OR2A5: variants seen among roughly 807,000 people sequenced by gnomAD.
OR2A5 encodes the protein olfactory receptor family 2 subfamily A member 5.
OR2A5 carries 2 observed loss-of-function variants against 1.9 expected under a neutral mutation model. The observed-to-expected ratio is 1.04, with a 90% CI of 0.43 to 3.28. The LOEUF is 3.28. OR2A5 is among the 30% of genes most tolerant of loss of function. The pLI, the probability that OR2A5 is intolerant of heterozygous loss-of-function variation, is 0.08. For missense variants in OR2A5, 391 were observed against 375.9 expected (o/e 1.04, Z -0.33); for synonymous variants, 160 against 154.5 (o/e 1.04, Z -0.26).
rs766533534 is a variant in OR2A5 at position 144,051,023 on chromosome 7, G to A, written c.622G>A (p.Val208Met). The A allele has an allele frequency of 6.2e-7, 1 of 1,614,198 alleles. No homozygotes were observed. The highest frequency in any genetic ancestry group is 8.5e-7 in the Non-Finnish European group (1 of 1,180,036). ...VIFAASVFIL[V>M]GPLCLVLVSY... ...CTTTGCTGCTTCAGTGTTCATCCTGGTGGGGCCGCTCTGCCTGGTGCTGGT... is the reference window on the plus strand; with the variant it reads ...CTTTGCTGCTTCAGTGTTCATCCTGATGGGGCCGCTCTGCCTGGTGCTGGT... Residue 208 changes from valine to methionine, a missense_variant, in exon 2 of 2, where the codon GTG (valine) becomes ATG (methionine). By Grantham distance (21) the Val-to-Met change is conservative. Transcript: ENST00000641693.
intron 1 of OR2A5, 125 bp downstream of exon 1, chr7:144,049,258 C>G (rs1376120576): frequency 6.6e-6 from 1 of 152,220 alleles, no homozygotes; most frequent in Non-Finnish European, 1.5e-5. Context: ...AGACAGTTTC[C>G]TGGGCTAAAG....
At position 144,056,181 on chromosome 7, in the gene OR2A5, A is replaced by G. The variant is rs1000954895; in HGVS notation, c.*4844A>G. The G allele has an allele frequency of 5.3e-5, 8 of 152,350 alleles. No individual in the cohort carries two copies. In the South Asian group the frequency reaches 1.0e-3, roughly 20 times the overall value. 9.4% of individuals were successfully genotyped at this position (152,350 alleles called of 1,614,324 possible). A position where few individuals can be genotyped will look rare whatever the true frequency, so the allele number is the denominator to read the frequency against. On this transcript the variant is annotated 3_prime_UTR_variant, in exon 2 of 2. Coordinates refer to ENST00000641693, the MANE Select transcript of OR2A5 (RefSeq NM_012365.2). ...ACTGAGGCTTAGCACCTTCCTTGAA[A>G]ATAAGGTATGGAGGAGGGTGGGAGG...
Position 144,053,483 on chromosome 7 carries a change from C to G in OR2A5, c.*2146C>G, listed in dbSNP as rs2050918981. ...GCTTCACAAATGTTACCCCGTTTAT[C>G]TTGCATAAACATCACAATGGAGTCG... On this transcript the variant is annotated 3_prime_UTR_variant, in exon 2 of 2. Coordinates refer to ENST00000641693, the MANE Select transcript of OR2A5 (RefSeq NM_012365.2). 6.6e-6 allele frequency: 1 copy of G among 152,186 alleles called. No homozygotes were observed. Among genetic ancestry groups the G allele is most frequent in the Non-Finnish European group, 1.5e-5 (1 of 68,022 alleles). The allele number at this position is 152,186 out of a possible 1,614,324, so 9.4% of individuals were successfully genotyped here.
At position 144,053,849 on chromosome 7, in the gene OR2A5, T is replaced by A. The variant is rs187272627; in HGVS notation, c.*2512T>A. ...AGTAGAAACACTCACATTAGCAGCATCATCATTTTCCAATAGTAACTCCCT... is the reference window on the plus strand; with the variant it reads ...AGTAGAAACACTCACATTAGCAGCAACATCATTTTCCAATAGTAACTCCCT... On this transcript the variant is annotated 3_prime_UTR_variant, in exon 2 of 2. Transcript: ENST00000641693. 2 of 152,208 alleles carry A rather than the reference T, an allele frequency of 1.3e-5. No individual in the cohort carries two copies. Among genetic ancestry groups the A allele is most frequent in the Non-Finnish European group, 2.9e-5 (2 of 68,048 alleles). 9.4% of individuals were successfully genotyped at this position (152,208 alleles called of 1,614,324 possible). A position where few individuals can be genotyped will look rare whatever the true frequency, so the allele number is the denominator to read the frequency against.
Position 144,054,035 on chromosome 7 carries a change from T to A in OR2A5, c.*2698T>A, listed in dbSNP as rs568695319. On this transcript the variant is annotated 3_prime_UTR_variant, in exon 2 of 2. Coordinates refer to ENST00000641693, the MANE Select transcript of OR2A5 (RefSeq NM_012365.2). Reference sequence around the variant, plus strand: ...CCACCTGTGTTCTTTACCTTTATGATGTGATTAATGCTTTTCCAGGAAGTG... The same window carrying A: ...CCACCTGTGTTCTTTACCTTTATGAAGTGATTAATGCTTTTCCAGGAAGTG... 2.0e-5 allele frequency: 3 copies of A among 152,268 alleles called. No homozygotes were observed. In the East Asian group the frequency reaches 5.8e-4, roughly 29 times the overall value. 9.4% of individuals were successfully genotyped at this position (152,268 alleles called of 1,614,324 possible).
In OR2A5 at chr7:144,051,578, C is replaced by G; in HGVS notation, c.*241C>G. On this transcript the variant is annotated 3_prime_UTR_variant, in exon 2 of 2. Transcript: ENST00000641693. ...ATGAACTCCTACTCCCAGGTCCCAC[C>G]CCTACCCAGGATCTGCTTTCTGTTC... The G allele has an allele frequency of 2.2e-6, 1 of 453,994 alleles. No individual in the cohort carries two copies. Among genetic ancestry groups the G allele is most frequent in the African/African-American group, 2.0e-5 (1 of 51,250 alleles). The allele number at this position is 453,994 out of a possible 1,614,324, so 28.1% of individuals were successfully genotyped here. A position where few individuals can be genotyped will look rare whatever the true frequency, so the allele number is the denominator to read the frequency against.
Position 144,053,023 on chromosome 7 carries a change from C to A in OR2A5, c.*1686C>A, listed in dbSNP as rs975328204. The stretch of plus-strand genomic sequence containing the variant: ...GAAAGAGGAAACATATAGAATAGTT[C>A]ATCTCATATAAAACATAAGCAATAG... On this transcript the variant is annotated 3_prime_UTR_variant, in exon 2 of 2. Transcript: ENST00000641693. 3.9e-5 allele frequency: 6 copies of A among 151,918 alleles called. No individual in the cohort carries two copies. Among genetic ancestry groups the A allele is most frequent in the Non-Finnish European group, 7.4e-5 (5 of 67,968 alleles). The allele number at this position is 151,918 out of a possible 1,614,324, so 9.4% of individuals were successfully genotyped here.
rs2050927797 is a variant in OR2A5, at chr7:144,054,780, A to G, written c.*3443A>G. On this transcript the variant is annotated 3_prime_UTR_variant, in exon 2 of 2. Coordinates refer to ENST00000641693, the MANE Select transcript of OR2A5 (RefSeq NM_012365.2). The stretch of plus-strand genomic sequence containing the variant: ...GCATCCAGATAGGAAATATATACAA[A>G]AATAATTAGTCCATAGCTTTGTTAC... The G allele has an allele frequency of 6.6e-6, 1 of 152,228 alleles. No homozygotes were observed. The highest frequency in any genetic ancestry group is 1.5e-5 in the Non-Finnish European group (1 of 68,040). The allele number at this position is 152,228 out of a possible 1,614,324, so 9.4% of individuals were successfully genotyped here. A position where few individuals can be genotyped will look rare whatever the true frequency, so the allele number is the denominator to read the frequency against.
Position 144,057,579 on chromosome 7 carries a change from T to C in OR2A5, c.*6242T>C, listed in dbSNP as rs1360550483. ...GCAAAACAGATGCCAAAAGAGAATA[T>C]TCAAAAGGATTAGGAAAACTGTTAC... On this transcript the variant is annotated 3_prime_UTR_variant, in exon 2 of 2. Transcript: ENST00000641693. 2.6e-5 allele frequency: 4 copies of C among 152,040 alleles called. No individual in the cohort carries two copies. Among genetic ancestry groups the C allele is most frequent in the Non-Finnish European group, 5.9e-5 (4 of 68,012 alleles). 9.4% of individuals were successfully genotyped at this position (152,040 alleles called of 1,614,324 possible). A position where few individuals can be genotyped will look rare whatever the true frequency, so the allele number is the denominator to read the frequency against.
chr7:144,049,343 G>T (rs904730833), intron 1 of OR2A5, among the ~76,000 whole-genome samples: 2 of 152,216 alleles, frequency 1.3e-5, no homozygotes, highest in Non-Finnish European at 2.9e-5. Flanking sequence ...TAACATTTGT[G>T]TACTTCTATG....
Position 144,053,251 on chromosome 7 carries a change from T to TA in OR2A5, c.*1914_*1915insA, listed in dbSNP as rs2050917978. ...TCTAATTTTATATATATATATATAT[T>TA]GAATACATTACAGAAAATACCTGAG... is the stretch of plus-strand genomic sequence containing the variant. On this transcript the variant is annotated 3_prime_UTR_variant, in exon 2 of 2. Coordinates refer to ENST00000641693, the MANE Select transcript of OR2A5 (RefSeq NM_012365.2). 1.3e-5 allele frequency: 2 copies of TA among 151,672 alleles called. No individual in the cohort carries two copies. The highest frequency in any genetic ancestry group is 1.9e-4 in the East Asian group (1 of 5,186). The allele number at this position is 151,672 out of a possible 1,614,324, so 9.4% of individuals were successfully genotyped here.
At position 144,056,640 on chromosome 7, in the gene OR2A5, ATTTATG is replaced by A. The variant is rs1198718808; in HGVS notation, c.*5314_*5319del. 3 of 152,224 alleles carry A rather than the reference ATTTATG, an allele frequency of 2.0e-5. No homozygotes were observed. The highest frequency in any genetic ancestry group is 2.9e-5 in the Non-Finnish European group (2 of 68,032). 9.4% of individuals were successfully genotyped at this position (152,224 alleles called of 1,614,324 possible). ...GTTCAGGAATGAACAATTGATAAAT[ATTTATG>A]TTTATGTTTAAATGCATAAAAGATT... On this transcript the variant is annotated 3_prime_UTR_variant, in exon 2 of 2. Coordinates refer to ENST00000641693, the MANE Select transcript of OR2A5 (RefSeq NM_012365.2).
In OR2A5 at chr7:144,051,744, C is replaced by A; in HGVS notation, c.*407C>A. On this transcript the variant is annotated 3_prime_UTR_variant, in exon 2 of 2. Coordinates refer to ENST00000641693, the MANE Select transcript of OR2A5 (RefSeq NM_012365.2). Reference sequence around the variant, plus strand: ...GTAATCACACAGAATAAATACTGACCTTGGTTAAGCAGCCCTCTACTGGGA... The same window carrying A: ...GTAATCACACAGAATAAATACTGACATTGGTTAAGCAGCCCTCTACTGGGA... 5.9e-6 allele frequency: 1 copy of A among 168,904 alleles called. No homozygotes were observed. The highest frequency in any genetic ancestry group is 5.4e-5 in the Admixed American group (1 of 18,484). 10.5% of individuals were successfully genotyped at this position (168,904 alleles called of 1,614,324 possible).
chr7:144,051,053 T>A lies in OR2A5; in HGVS notation c.652T>A (p.Tyr218Asn), dbSNP rs1303276975. The change falls in exon 2 of 2, where the codon TAC becomes AAC. Residue 218 changes from tyrosine to asparagine, a missense_variant. Physicochemically the swap from Tyr to Asn is moderately radical, Grantham distance 143 (BLOSUM62 -2). Coordinates refer to ENST00000641693, the MANE Select transcript of OR2A5 (RefSeq NM_012365.2). ...VGPLCLVLVS[Y>N]SRILAAILRI... ...GCCGCTCTGCCTGGTGCTGGTCTCC[T>A]ACTCGCGCATCCTGGCGGCCATCTT... 2 of 1,614,222 alleles carry A rather than the reference T, an allele frequency of 1.2e-6. No homozygotes were observed. Among genetic ancestry groups the A allele is most frequent in the South Asian group, 2.2e-5 (2 of 91,084 alleles).
rs1398919258 is a variant in OR2A5 at position 144,058,107 on chromosome 7, T to A, written c.*6770T>A. 6.6e-6 allele frequency: 1 copy of A among 152,232 alleles called. No homozygotes were observed. Among genetic ancestry groups the A allele is most frequent in the East Asian group, 1.9e-4 (1 of 5,200 alleles). 9.4% of individuals were successfully genotyped at this position (152,232 alleles called of 1,614,324 possible). ...CACTCCTCAGTGGCTTCACCAGCCT[T>A]TCAGCCAGATACAAGGCTGTTGTCC... On this transcript the variant is annotated 3_prime_UTR_variant, in exon 2 of 2. Transcript: ENST00000641693.
At position 144,050,678 on chromosome 7, in the gene OR2A5, T is replaced by A; in HGVS notation, c.277T>A (p.Ser93Thr). Residue 93 changes from serine (S) to threonine (T), a missense_variant, in exon 2 of 2, where the codon TCC becomes ACC. By Grantham distance (58) the Ser-to-Thr change is moderately conservative. Transcript: ENST00000641693. ...TGGCTTGAACAAGAGAAAAACAATCTCCTTTGTCCCATGCACAATGCAGAC... is the reference window on the plus strand; with the variant it reads ...TGGCTTGAACAAGAGAAAAACAATCACCTTTGTCCCATGCACAATGCAGAC... ...NLGLNKRKTI[S>T]FVPCTMQTFL... 1 of 1,614,110 alleles carries A rather than the reference T, an allele frequency of 6.2e-7. No individual in the cohort carries two copies. Among genetic ancestry groups the A allele is most frequent in the Non-Finnish European group, 8.5e-7 (1 of 1,180,016 alleles).
At position 144,050,692 on chromosome 7, in the gene OR2A5, C is replaced by A; in HGVS notation, c.291C>A (p.Cys97Ter). The A allele has an allele frequency of 6.2e-7, 1 of 1,614,196 alleles. No homozygotes were observed. ...GAAAAACAATCTCCTTTGTCCCATG[C>A]ACAATGCAGACCTTTTTATACATGG... is the stretch of plus-strand genomic sequence containing the variant. ...NKRKTISFVP[C>*]TMQTFLYMAF... is the part of the protein sequence containing the mutation. The change falls in exon 2 of 2, where the codon TGC becomes TGA. Residue 97 changes from cysteine (C) to a stop codon, truncating the protein, a stop_gained. Coordinates refer to ENST00000641693, the MANE Select transcript of OR2A5 (RefSeq NM_012365.2). LOFTEE classifies it low-confidence loss of function (END_TRUNC).
At position 144,050,850 on chromosome 7, in the gene OR2A5, C is replaced by T. The variant is rs772699656; in HGVS notation, c.449C>T (p.Ala150Val). ...ACAGTCCTGGCTGTCACTTCTTGGG[C>T]ATGTGGTTCCCTTCTGGCCCTGGTC... ...VCTVLAVTSW[A>V]CGSLLALVHV... Residue 150 changes from alanine (A) to valine (V), a missense_variant, in exon 2 of 2, where the codon GCA (alanine) becomes GTA (valine). By Grantham distance (64) the Ala-to-Val change is moderately conservative (BLOSUM62 0). Transcript: ENST00000641693. 1.2e-6 allele frequency: 2 copies of T among 1,614,058 alleles called. No homozygotes were observed. Among genetic ancestry groups the T allele is most frequent in the African/African-American group, 1.3e-5 (1 of 74,926 alleles).
Position 144,057,785 on chromosome 7 carries a change from C to A in OR2A5, c.*6448C>A, listed in dbSNP as rs955825375. On this transcript the variant is annotated 3_prime_UTR_variant, in exon 2 of 2. Transcript: ENST00000641693. Reference sequence around the variant, plus strand: ...GTATATAGGGTACATGCGAAGCATACGAGTTGATAAAGAATAATAGTAAAT... The same window carrying A: ...GTATATAGGGTACATGCGAAGCATAAGAGTTGATAAAGAATAATAGTAAAT... 6.6e-6 allele frequency: 1 copy of A among 151,824 alleles called. No homozygotes were observed. Among genetic ancestry groups the A allele is most frequent in the African/African-American group, 2.4e-5 (1 of 41,302 alleles). The allele number at this position is 151,824 out of a possible 1,614,324, so 9.4% of individuals were successfully genotyped here.
Sources: allele counts gnomAD v4.1 joint callset (sites outside exome capture counted in the v4.1 genomes callset), GRCh38; gene constraint gnomAD v4.1.1; transcripts MANE v1.5; gene names NCBI Gene and HGNC (gene_info 2026-07-23, HGNC 2026-07-21).